Variants in ITSN2 observed in about 807,000 individuals in gnomAD.
The protein encoded by ITSN2 is intersectin-2.
In ITSN2, 156 loss-of-function variants were observed where a neutral mutation model predicts 243.7. The ratio of observed to expected loss-of-function variants is 0.64; its 90% CI spans 0.56 to 0.73. The LOEUF (loss-of-function observed/expected upper bound fraction) is 0.73. ITSN2 is among the 30% of genes least tolerant of loss of function. The pLI, the probability that ITSN2 is intolerant of heterozygous loss-of-function variation, is 0.00. For missense variants in ITSN2, 1,801 were observed against 1,996.1 expected, an observed-to-expected ratio of 0.90 and a Z score of 1.86; for synonymous variants, 703 against 699.9, an observed-to-expected ratio of 1.00 and a Z score of -0.07.
At chr2:24,270,074 G>A (rs1168650084) in intron 20 of ITSN2, among the ~76,000 whole-genome samples, 2 of 152,150 alleles carry the variant, frequency 1.3e-5, no homozygotes, top group Admixed American at 6.5e-5. Context: ...CAGGGGGAGC[G>A]GGGGAAAGAG....
Position 24,203,740 on chromosome 2 carries a change from T to G in ITSN2, c.4980A>C (p.Thr1660=). 2 of 1,614,012 alleles carry G rather than the reference T, an allele frequency of 1.2e-6. No homozygotes were observed. The highest frequency in any genetic ancestry group is 1.7e-6 in the Non-Finnish European group (2 of 1,179,898). The part of the protein sequence containing the change: ...RTEIPVAKIR[T]EQESKGPMTR... ...TCATAGGGCCTTTGCTTTCCTGTTC[T>G]GTTCGAATTTTTGCCACTGGAATTT... Residue 1660 remains threonine (T), a synonymous_variant, in exon 40 of 40, where the codon ACA becomes ACC. Coordinates refer to ENST00000355123, the MANE Select transcript of ITSN2 (RefSeq NM_006277.3).
intron 1 of ITSN2, among the ~76,000 whole-genome samples, chr2:24,339,365 G>A (rs1255978685): frequency 6.6e-6 from 1 of 151,892 alleles, no homozygotes; most frequent in East Asian, 1.9e-4. Flanking sequence ...CAGCTACTCA[G>A]GAAGCTGAGG....
rs556159378 is a variant in ITSN2 at position 24,314,856 on chromosome 2, T to C, written c.124+276A>G. Among the ~76,000 whole-genome samples the C allele has an allele frequency of 2.2e-4, 34 of 152,318 alleles. No homozygotes were observed. The Middle Eastern group carries it at 0.01, about 46-fold the overall frequency. On this transcript the variant is annotated intron_variant, in intron 3 of 39. Coordinates refer to ENST00000355123, the MANE Select transcript of ITSN2 (RefSeq NM_006277.3). ...TCTAAGAAATAAACTGAAAACTTTC[T>C]AGATATAATGTTAAAATGTGAAACC...
At position 24,270,659 on chromosome 2, in the gene ITSN2, T is replaced by A. The variant is rs528379274; in HGVS notation, c.2355+12A>T. The A allele has an allele frequency of 2.1e-6, 3 of 1,404,942 alleles. No individual in the cohort carries two copies. The highest frequency in any genetic ancestry group is 2.9e-5 in the African/African-American group (2 of 69,730). 87.0% of individuals were successfully genotyped at this position (1,404,942 alleles called of 1,614,324 possible). A position where few individuals can be genotyped will look rare whatever the true frequency, so the allele number is the denominator to read the frequency against. On this transcript the variant is annotated intron_variant, in intron 20 of 39. Transcript: ENST00000355123. ...AGGTTATTCATGATTAAAAAAAAAATTCATTTCCTACCTGAATTATATCTC... is the reference window on the plus strand; with the variant it reads ...AGGTTATTCATGATTAAAAAAAAAAATCATTTCCTACCTGAATTATATCTC...
chr2:24,206,804 G>A (rs937357563), intron 37 of ITSN2, among the ~76,000 whole-genome samples: 6 of 152,172 alleles, frequency 3.9e-5, no homozygotes, highest in African/African-American at 1.4e-4. Flanking sequence ...ATGAGCGCCC[G>A]GAGGATGATC....
At chr2:24,206,342 G>A (rs551776283) in intron 37 of ITSN2, 2 of 384,674 alleles carry the variant, frequency 5.2e-6, no homozygotes, top group African/African-American at 2.2e-5. Context: ...GGCCCAGGCA[G>A]GAGGGCAGGC....
chr2:24,203,493 C>T lies in ITSN2; in HGVS notation c.*133G>A. 1.2e-6 allele frequency: 1 copy of T among 861,370 alleles called. No homozygotes were observed. The highest frequency in any genetic ancestry group is 1.7e-6 in the Non-Finnish European group (1 of 574,552). The allele number at this position is 861,370 out of a possible 1,614,324, so 53.4% of individuals were successfully genotyped here. ...GCTAGCTATTTAGTGTGCAGGAAAA[C>T]AGAGCCCCCAGCGTGCATGGCTTTG... On this transcript the variant is annotated 3_prime_UTR_variant, in exon 40 of 40. Transcript: ENST00000355123.
intron 1 of ITSN2, among the ~76,000 whole-genome samples, chr2:24,342,660 C>G (rs1348475112): frequency 6.6e-6 from 1 of 151,528 alleles, no homozygotes; most frequent in Admixed American, 6.6e-5. Flanking sequence ...GCATTCAAAT[C>G]AGCTTAGGCC....
At chr2:24,308,506 G>A (rs1161617016) in intron 8 of ITSN2, 111 bp downstream of exon 8, 1 of 633,154 alleles carries the variant, frequency 1.6e-6, no homozygotes, top group East Asian at 3.1e-5. Context: ...AAATTTTTTG[G>A]ATGTTAAAAT....
intron 1 of ITSN2, among the ~76,000 whole-genome samples, chr2:24,342,337 A>C (rs1433597593): frequency 6.6e-6 from 1 of 151,722 alleles, no homozygotes; most frequent in Non-Finnish European, 1.5e-5. Context: ...GGCTGGGACC[A>C]CAAGAGCACG....
At position 24,278,382 on chromosome 2, in the gene ITSN2, C is replaced by T. The variant is rs539760326; in HGVS notation, c.1945-2533G>A. On this transcript the variant is annotated intron_variant, in intron 17 of 39. Coordinates refer to ENST00000355123, the MANE Select transcript of ITSN2 (RefSeq NM_006277.3). ...AAGGTGTCTCCAGCCAACAGAGAGT[C>T]TAGTACAACATGGATATTTAATAAA... 1.8e-4 allele frequency among the ~76,000 whole-genome samples: 28 copies of T among 152,240 alleles called. No homozygotes were observed. The South Asian group carries it at 5.8e-3, about 32-fold the overall frequency.
intron 17 of ITSN2, among the ~76,000 whole-genome samples, chr2:24,278,373 A>C (rs1391515338): frequency 6.6e-6 from 1 of 152,238 alleles, no homozygotes; most frequent in Non-Finnish European, 1.5e-5. Flanking sequence ...TCTCCAGCCA[A>C]CAGAGAGTCT....
In ITSN2 at chr2:24,261,743, C is replaced by A; in HGVS notation, c.2356-1G>T. ...GTTCTCCTACGGTTTTTTCATCAACCTACGGAAATAAAAAGAAGGATTAAC... is the reference window on the plus strand; with the variant it reads ...GTTCTCCTACGGTTTTTTCATCAACATACGGAAATAAAAAGAAGGATTAAC... On this transcript the variant is annotated splice_acceptor_variant, in intron 20 of 39. Coordinates refer to ENST00000355123, the MANE Select transcript of ITSN2 (RefSeq NM_006277.3). LOFTEE classifies it high-confidence loss of function. 1 of 1,607,668 alleles carries A rather than the reference C, an allele frequency of 6.2e-7. No homozygotes were observed. Among genetic ancestry groups the A allele is most frequent in the Non-Finnish European group, 8.5e-7 (1 of 1,176,950 alleles).
chr2:24,224,740 T>G (rs2151170580), intron 29 of ITSN2, among the ~76,000 whole-genome samples: 1 of 152,192 alleles, frequency 6.6e-6, no homozygotes, highest in African/African-American at 2.4e-5. Context: ...TTCAAGCGAT[T>G]CTCCTGCCTC....
Position 24,229,047 on chromosome 2 carries a change from CTAA to C in ITSN2, c.3578-7984_3578-7982del, listed in dbSNP as rs1671317823. Among the ~76,000 whole-genome samples, 6 of 322 alleles carry C rather than the reference CTAA, an allele frequency of 0.019. No individual in the cohort carries two copies. The East Asian group carries it at 0.3, about 16-fold the overall frequency. The allele number at this position is 322 out of a possible 152,430, so 0.2% of individuals were successfully genotyped here. A position where few individuals can be genotyped will look rare whatever the true frequency, so the allele number is the denominator to read the frequency against. Reference sequence around the variant, plus strand: ...AGAATAATTCTGATCTTATTTGCAACTAACAGGAAAGCCTCAAAGTGTAAAATA... The same window carrying C: ...AGAATAATTCTGATCTTATTTGCAACCAGGAAAGCCTCAAAGTGTAAAATA... On this transcript the variant is annotated intron_variant, in intron 29 of 39. Transcript: ENST00000355123.
intron 1 of ITSN2, among the ~76,000 whole-genome samples, chr2:24,350,647 T>C (rs1158399508): frequency 6.6e-6 from 1 of 152,206 alleles, no homozygotes; most frequent in Non-Finnish European, 1.5e-5. Flanking sequence ...ATATAATCCA[T>C]AAAATATTAT....
intron 20 of ITSN2, among the ~76,000 whole-genome samples, chr2:24,265,809 C>G (rs1347337056): frequency 1.3e-5 from 2 of 152,178 alleles, no homozygotes; most frequent in African/African-American, 4.8e-5. Context: ...CTGGCACATG[C>G]AAGCCTCAAT....
At chr2:24,299,386 C>T (rs181283662) in intron 12 of ITSN2, among the ~76,000 whole-genome samples, 2 of 152,236 alleles carry the variant, frequency 1.3e-5, no homozygotes, top group Admixed American at 1.3e-4. Context: ...TTTCAGTGTG[C>T]AATAACTTCC....
intron 1 of ITSN2, among the ~76,000 whole-genome samples, chr2:24,344,589 T>C (rs1225003767): frequency 6.6e-6 from 1 of 152,194 alleles, no homozygotes; most frequent in Non-Finnish European, 1.5e-5. Flanking sequence ...TTCTATAGCA[T>C]GCTGTTCAAT....
Sources: gnomAD v4.1 joint callset for allele counts (sites outside exome capture counted in the v4.1 genomes callset) on GRCh38, gnomAD v4.1.1 for gene constraint, MANE v1.5 for transcripts, NCBI Gene and HGNC (gene_info 2026-07-23, HGNC 2026-07-21) for gene names.